DZIP3: variants seen among roughly 807,000 people sequenced by gnomAD.
The protein encoded by DZIP3 is E3 ubiquitin-protein ligase DZIP3.
A neutral mutation model predicts 162.0 loss-of-function variants in DZIP3; 118 were observed. The observed-to-expected ratio is 0.73, with a 90% CI of 0.63 to 0.85. DZIP3 has a LOEUF of 0.85. Among genes scored for constraint, DZIP3 ranks in the 40% least tolerant of loss-of-function variants. DZIP3 has a pLI of 0.00. For synonymous variants in DZIP3, 438 were observed against 458.6 expected, an observed-to-expected ratio of 0.96 and a Z score of 0.57; for missense variants, 1,331 against 1,407.0, an observed-to-expected ratio of 0.95 and a Z score of 0.86.
chr3:108,647,079 C>T (rs2107653053), intron 15 of DZIP3, among the ~76,000 whole-genome samples: 1 of 152,208 alleles, frequency 6.6e-6, no homozygotes, highest in East Asian at 1.9e-4. Context: ...ATCAAATCAC[C>T]ACTGGTCTGG....
chr3:108,612,525 A>C (rs948888235), intron 4 of DZIP3, among the ~76,000 whole-genome samples: 5 of 152,172 alleles, frequency 3.3e-5, no homozygotes, highest in African/African-American at 1.2e-4. Context: ...AAATAGAAGA[A>C]TAGTACAGTC....
At chr3:108,655,472 C>T (rs181207289) in intron 19 of DZIP3, among the ~76,000 whole-genome samples, 74 of 152,148 alleles carry the variant, frequency 4.9e-4, no homozygotes, top group African/African-American at 1.5e-3. Context: ...ACAATAAAAG[C>T]GTTACCCTTA....
chr3:108,685,860 A>G (rs1359095847), intron 27 of DZIP3, among the ~76,000 whole-genome samples: 2 of 152,226 alleles, frequency 1.3e-5, no homozygotes, highest in African/African-American at 4.8e-5. Flanking sequence ...ATTGTAATTT[A>G]CAGACCTTTC....
rs1164056894 is a variant in DZIP3, at chr3:108,676,568, GA to G, written c.2781+696del. 4.6e-5 allele frequency among the ~76,000 whole-genome samples: 7 copies of G among 151,890 alleles called. 1 individual carries two copies. Among genetic ancestry groups the G allele is most frequent in the African/African-American group, 1.4e-4 (6 of 41,458 alleles). The stretch of plus-strand genomic sequence containing the variant: ...CTTTTTATATTTATATACTAAGGTT[GA>G]TAGATAATGTTGATTTTTTTGTGAT... On this transcript the variant is annotated intron_variant, in intron 25 of 32. Transcript: ENST00000361582.
chr3:108,648,365 GT>G (rs1576413615), intron 16 of DZIP3: 2 of 289,658 alleles, frequency 6.9e-6, no homozygotes, highest in Admixed American at 5.1e-5. Flanking sequence ...ACTGTAATAT[GT>G]TTTTTTAATC....
At chr3:108,676,525 T>C (rs1944115701) in intron 25 of DZIP3, among the ~76,000 whole-genome samples, 1 of 152,092 alleles carries the variant, frequency 6.6e-6, no homozygotes, top group South Asian at 2.1e-4. Flanking sequence ...TATTTATTAA[T>C]TGATTTTGTT....
intron 27 of DZIP3, among the ~76,000 whole-genome samples, chr3:108,684,746 G>C (rs140438698): frequency 6.6e-6 from 1 of 151,940 alleles, no homozygotes; most frequent in African/African-American, 2.4e-5. Context: ...TTCCACACAC[G>C]TACACACACA....
intron 12 of DZIP3, among the ~76,000 whole-genome samples, chr3:108,641,283 G>A (rs9870820): frequency 0.019 from 2,896 of 151,974 alleles, 100 homozygotes; most frequent in African/African-American, 0.067. Flanking sequence ...ACTTATAAGT[G>A]TAGTTTAATT....
chr3:108,667,289 A>C (rs1943723612), intron 21 of DZIP3, among the ~76,000 whole-genome samples: 1 of 152,220 alleles, frequency 6.6e-6, no homozygotes, highest in South Asian at 2.1e-4. Context: ...TATAAAAGAC[A>C]TAAATTACTA....
At chr3:108,611,481 C>A in intron 4 of DZIP3, 152 bp downstream of exon 4, 1 of 915,450 alleles carries the variant, frequency 1.1e-6, no homozygotes, top group Non-Finnish European at 1.6e-6. Context: ...TCAACCTTGA[C>A]TGTAGACTTC....
chr3:108,643,474 A>G (rs1302010064), intron 13 of DZIP3, among the ~76,000 whole-genome samples: 1 of 151,894 alleles, frequency 6.6e-6, no homozygotes, highest in Non-Finnish European at 1.5e-5. Context: ...CAGTAGGTCT[A>G]GAGTGGGGCC....
intron 16 of DZIP3, 98 bp downstream of exon 16, chr3:108,648,210 T>C: frequency 8.4e-7 from 1 of 1,196,874 alleles, no homozygotes; most frequent in Non-Finnish European, 1.2e-6. Context: ...AATTTTAGCT[T>C]ATATTTTCAT....
chr3:108,622,124 T>C (rs550139496), intron 5 of DZIP3, among the ~76,000 whole-genome samples: 19 of 152,062 alleles, frequency 1.2e-4, no homozygotes, highest in African/African-American at 3.9e-4. Context: ...ATAAACCAGA[T>C]AGAGAAAGAC....
intron 7 of DZIP3, among the ~76,000 whole-genome samples, chr3:108,628,600 G>A (rs926767676): frequency 6.6e-6 from 1 of 152,162 alleles, no homozygotes; most frequent in African/African-American, 2.4e-5. Flanking sequence ...TTGAGGCTGT[G>A]CATTCAATAT....
At chr3:108,600,369 C>G (rs1401274453) in intron 1 of DZIP3, among the ~76,000 whole-genome samples, 1 of 151,622 alleles carries the variant, frequency 6.6e-6, no homozygotes, top group Admixed American at 6.6e-5. Flanking sequence ...AAAGTCAAAC[C>G]TAGAGACAGC....
At chr3:108,600,897 G>A (rs1939976465) in intron 1 of DZIP3, among the ~76,000 whole-genome samples, 1 of 152,108 alleles carries the variant, frequency 6.6e-6, no homozygotes, top group Non-Finnish European at 1.5e-5. Flanking sequence ...ACTCTGCTTT[G>A]ACACTCACTA....
chr3:108,690,312 C>G (rs995033277), intron 31 of DZIP3, among the ~76,000 whole-genome samples: 1 of 152,004 alleles, frequency 6.6e-6, no homozygotes, highest in South Asian at 2.1e-4. Context: ...AGTTCATAGC[C>G]GAAAATTACT....
intron 19 of DZIP3, among the ~76,000 whole-genome samples, chr3:108,660,376 CAG>C (rs1447648517): frequency 2.0e-5 from 3 of 152,022 alleles, no homozygotes; most frequent in Non-Finnish European, 4.4e-5. Flanking sequence ...CTGACAAAAA[CAG>C]AAATTGGGAA....
intron 1 of DZIP3, among the ~76,000 whole-genome samples, chr3:108,591,997 A>G (rs895235846): frequency 1.2e-4 from 17 of 144,960 alleles, no homozygotes; most frequent in Non-Finnish European, 2.2e-4. Context: ...AAAAAAAAAA[A>G]GAGATGAGTC....
Sources: gnomAD v4.1 joint callset for allele counts (sites outside exome capture counted in the v4.1 genomes callset) on GRCh38, gnomAD v4.1.1 for gene constraint, MANE v1.5 for transcripts, NCBI Gene and HGNC (gene_info 2026-07-23, HGNC 2026-07-21) for gene names.